Variants in DPP6 observed in about 807,000 individuals in gnomAD.
DPP6 encodes dipeptidyl peptidase like 6.
In DPP6, 69 loss-of-function variants were observed where a neutral mutation model predicts 122.6. The observed-to-expected ratio is 0.56, with a 90% CI of 0.46 to 0.69. The LOEUF is 0.69. Among genes scored for constraint, DPP6 ranks in the 30% least tolerant of loss-of-function variants. DPP6 has a pLI of 0.00. For synonymous variants in DPP6, 418 were observed against 433.1 expected, an observed-to-expected ratio of 0.97 and a Z score of 0.43; for missense variants, 928 against 1,116.9, an observed-to-expected ratio of 0.83 and a Z score of 2.41.
chr7:154,663,009 G>A (rs79885711), intron 6 of DPP6, among the ~76,000 whole-genome samples: 1 of 47,770 alleles, frequency 2.1e-5, no homozygotes, highest in African/African-American at 5.4e-5. Flanking sequence ...TAGTGTTCAC[G>A]CAGTCATGGT....
chr7:154,430,552 C>A (rs902599436), intron 1 of DPP6, among the ~76,000 whole-genome samples: 2 of 152,160 alleles, frequency 1.3e-5, no homozygotes, highest in Non-Finnish European at 2.9e-5. Context: ...CTCCTGAAGG[C>A]CCCCCTCCTA....
At chr7:153,866,903 G>A in the DPP6 span, among the ~76,000 whole-genome samples, 1 of 152,064 alleles carries the variant, frequency 6.6e-6, no homozygotes, top group Non-Finnish European at 1.5e-5. Flanking sequence ...TTATTAAATA[G>A]GGAATCCTTT....
chr7:154,559,153 A>G (rs533600613), intron 4 of DPP6, among the ~76,000 whole-genome samples: 1 of 152,060 alleles, frequency 6.6e-6, no homozygotes, highest in East Asian at 1.9e-4. Context: ...CAAGGCTATA[A>G]GGAAAACCAT....
At chr7:154,685,316 CA>C (rs1353455826) in intron 7 of DPP6, among the ~76,000 whole-genome samples, 2 of 152,218 alleles carry the variant, frequency 1.3e-5, no homozygotes, top group African/African-American at 4.8e-5. Context: ...TTTAGGGAAA[CA>C]AAAGGTTTAT....
intron 1 of DPP6, among the ~76,000 whole-genome samples, 170 bp downstream of exon 1, chr7:154,053,233 C>CA (rs1800530700): frequency 0.023 from 2 of 88 alleles, no homozygotes; most frequent in African/African-American, 0.12. Flanking sequence ...TCGCGGTCAC[C>CA]GCGTCCCGGA....
chr7:154,097,091 C>A (rs550773098), intron 1 of DPP6, among the ~76,000 whole-genome samples: 138 of 152,210 alleles, frequency 9.1e-4, no homozygotes, highest in Non-Finnish European at 1.3e-3. Context: ...TGGAGGACGC[C>A]CAGCCTCCCC....
At chr7:154,582,994 G>A (rs1225086575) in intron 5 of DPP6, among the ~76,000 whole-genome samples, 2 of 152,218 alleles carry the variant, frequency 1.3e-5, no homozygotes, top group Non-Finnish European at 2.9e-5. Context: ...GGGATGGAGG[G>A]CTGTGGTTCC....
intron 1 of DPP6, among the ~76,000 whole-genome samples, chr7:154,148,852 G>T (rs373631430): frequency 0.056 from 5,405 of 96,196 alleles, no homozygotes; most frequent in Middle Eastern, 0.12. Context: ...GCTTCTGGGG[G>T]ACAGTGCAGC....
At chr7:154,526,192 T>G (rs1161866533) in intron 3 of DPP6, among the ~76,000 whole-genome samples, 2 of 152,200 alleles carry the variant, frequency 1.3e-5, no homozygotes, top group Non-Finnish European at 2.9e-5. Context: ...TTTAAAGATT[T>G]CCTATTTTGT....
chr7:153,905,739 G>T (rs1236689743), intron 1 of DPP6, among the ~76,000 whole-genome samples: 4 of 152,194 alleles, frequency 2.6e-5, no homozygotes, highest in African/African-American at 9.7e-5. Flanking sequence ...ACTGAGAAAA[G>T]GCAGAGGACT....
intron 10 of DPP6, among the ~76,000 whole-genome samples, chr7:154,781,721 G>C (rs1797042757): frequency 6.6e-6 from 1 of 150,590 alleles, no homozygotes; most frequent in Non-Finnish European, 1.5e-5. Context: ...TAACATTTTT[G>C]TACCCCTGCT....
chr7:153,894,888 G>A (rs1799342982), intron 1 of DPP6, among the ~76,000 whole-genome samples: 1 of 152,160 alleles, frequency 6.6e-6, no homozygotes, highest in Non-Finnish European at 1.5e-5. Context: ...GGAGCTTCTT[G>A]AAAAATATGC....
chr7:154,619,080 T>C (rs1245113306), intron 5 of DPP6, among the ~76,000 whole-genome samples: 2 of 152,208 alleles, frequency 1.3e-5, no homozygotes, highest in Non-Finnish European at 2.9e-5. Flanking sequence ...GTGACTTTGC[T>C]CCTCATTTGC....
At chr7:153,923,568 T>C (rs1433706256) in intron 1 of DPP6, among the ~76,000 whole-genome samples, 1 of 151,980 alleles carries the variant, frequency 6.6e-6, no homozygotes, top group African/African-American at 2.4e-5. Flanking sequence ...GAGACCATCC[T>C]GGCTAATATG....
At chr7:154,516,770 C>T (rs953786481) in intron 3 of DPP6, among the ~76,000 whole-genome samples, 1 of 152,154 alleles carries the variant, frequency 6.6e-6, no homozygotes, top group Non-Finnish European at 1.5e-5. Flanking sequence ...GTCAAACTTA[C>T]AAAATCTGCT....
chr7:153,910,532 A>G (rs887832858), intron 1 of DPP6, among the ~76,000 whole-genome samples: 5 of 151,978 alleles, frequency 3.3e-5, no homozygotes, highest in Non-Finnish European at 7.4e-5. Context: ...GGCCTCATTC[A>G]TCTACATAGC....
At chr7:153,880,441 C>T in the DPP6 span, among the ~76,000 whole-genome samples, 1 of 152,064 alleles carries the variant, frequency 6.6e-6, no homozygotes, top group Non-Finnish European at 1.5e-5. Flanking sequence ...ATAAAAGAGC[C>T]CAACAATTGT....
At chr7:153,905,463 G>A (rs1799809690) in intron 1 of DPP6, among the ~76,000 whole-genome samples, 1 of 152,120 alleles carries the variant, frequency 6.6e-6, no homozygotes, top group Non-Finnish European at 1.5e-5. Flanking sequence ...TTGTGGTCTA[G>A]GTTTGGATGT....
intron 16 of DPP6, among the ~76,000 whole-genome samples, chr7:154,807,741 G>A (rs971605420): frequency 6.6e-6 from 1 of 152,126 alleles, no homozygotes; most frequent in African/African-American, 2.4e-5. Context: ...AGAATTGCTT[G>A]AACCCAGGAG....
Sources: gnomAD v4.1 joint callset for allele counts (sites outside exome capture counted in the v4.1 genomes callset) on GRCh38, gnomAD v4.1.1 for gene constraint, MANE v1.5 for transcripts, NCBI Gene and HGNC (gene_info 2026-07-23, HGNC 2026-07-21) for gene names.